KLHL2: variants seen among roughly 807,000 people sequenced by gnomAD.
KLHL2 encodes kelch like family member 2.
A neutral mutation model predicts 75.8 loss-of-function variants in KLHL2; 15 were observed. That is an observed-to-expected ratio of 0.20 (90% CI 0.13 to 0.30). KLHL2 has a LOEUF of 0.30. Among genes scored for constraint, KLHL2 ranks in the 10% least tolerant of loss-of-function variants. KLHL2 has a pLI of 1.00. For synonymous variants in KLHL2, 214 were observed against 251.9 expected (o/e 0.85, Z 1.42); for missense variants, 381 against 741.0 (o/e 0.51, Z 5.64).
chr4:165,298,948 C>T (rs1167467627), intron 7 of KLHL2, among the ~76,000 whole-genome samples: 3 of 136,522 alleles, frequency 2.2e-5, no homozygotes, highest in East Asian at 2.5e-4. Context: ...CGCCCCCCCT[C>T]CCCCCCCAGA....
At chr4:165,290,375 C>G (rs189992241) in intron 5 of KLHL2, among the ~76,000 whole-genome samples, 1 of 151,972 alleles carries the variant, frequency 6.6e-6, no homozygotes, top group Non-Finnish European at 1.5e-5. Context: ...ACTCAAGTGA[C>G]CCACCCTCCT....
intron 1 of KLHL2, among the ~76,000 whole-genome samples, chr4:165,216,973 G>A (rs1000423691): frequency 2.6e-5 from 4 of 152,142 alleles, no homozygotes; most frequent in Non-Finnish European, 5.9e-5. Context: ...TTGTTGTATG[G>A]CAACTGTCTT....
chr4:165,312,406 G>A (rs988351779), intron 11 of KLHL2, among the ~76,000 whole-genome samples: 2 of 146,102 alleles, frequency 1.4e-5, no homozygotes, highest in Admixed American at 1.4e-4. Context: ...GTTAAGGAAG[G>A]CTCTAAGTAT....
chr4:165,219,776 A>G (rs1170552977), intron 1 of KLHL2, 158 bp from the exon 2 acceptor site: 1 of 1,340,934 alleles, frequency 7.5e-7, no homozygotes, highest in Non-Finnish European at 9.7e-7. Flanking sequence ...ACTGTTCTTA[A>G]TTGTCTTAAC....
At chr4:165,292,341 AT>A (rs112716763) in intron 5 of KLHL2, among the ~76,000 whole-genome samples, 37,425 of 150,256 alleles carry the variant, frequency 0.25, 5,244 homozygotes, top group Middle Eastern at 0.34. Context: ...GAACTTTTTT[AT>A]TTTTTTTTGA....
At chr4:165,268,217 G>A (rs1216032532) in intron 5 of KLHL2, among the ~76,000 whole-genome samples, 1 of 151,770 alleles carries the variant, frequency 6.6e-6, no homozygotes, top group Non-Finnish European at 1.5e-5. Context: ...TTCTTTATTA[G>A]TCTTGCTAGC....
chr4:165,311,436 A>G, intron 10 of KLHL2, 28 bp from the exon 11 acceptor site: 2 of 1,491,468 alleles, frequency 1.3e-6, no homozygotes, highest in Non-Finnish European at 1.9e-6. Context: ...TTAGAGAAGG[A>G]AATGAAGACT....
intron 3 of KLHL2, among the ~76,000 whole-genome samples, chr4:165,233,666 G>T (rs1325063803): frequency 6.6e-6 from 1 of 152,162 alleles, no homozygotes; most frequent in Admixed American, 6.5e-5. Context: ...AGGCTTTGGG[G>T]ACTAGAGTGA....
intron 1 of KLHL2, among the ~76,000 whole-genome samples, chr4:165,216,538 T>G (rs564006594): frequency 4.6e-5 from 7 of 152,292 alleles, no homozygotes; most frequent in African/African-American, 1.7e-4. Flanking sequence ...GCACTTTGCT[T>G]CAGAAGAGAA....
intron 4 of KLHL2, among the ~76,000 whole-genome samples, chr4:165,244,976 G>A (rs1473685105): frequency 6.6e-6 from 1 of 152,146 alleles, no homozygotes; most frequent in African/African-American, 2.4e-5. Flanking sequence ...GGGATGCCAA[G>A]GGAGGCGGAT....
intron 5 of KLHL2, among the ~76,000 whole-genome samples, chr4:165,276,130 A>G (rs1743074950): frequency 6.6e-6 from 1 of 152,164 alleles, no homozygotes; most frequent in East Asian, 1.9e-4. Flanking sequence ...CATCTCAACA[A>G]TAACAACAAC....
chr4:165,231,829 T>C (rs1039191098), intron 3 of KLHL2, among the ~76,000 whole-genome samples: 3 of 152,190 alleles, frequency 2.0e-5, no homozygotes, highest in African/African-American at 7.2e-5. Context: ...AAAATTCTGC[T>C]AAGCTGTTTT....
In KLHL2 at chr4:165,263,329, G is replaced by C; in HGVS notation, c.514G>C (p.Asp172His). 1 of 1,613,940 alleles carries C rather than the reference G, an allele frequency of 6.2e-7. No individual in the cohort carries two copies. The highest frequency in any genetic ancestry group is 8.5e-7 in the Non-Finnish European group (1 of 1,179,928). Residue 172 changes from aspartate to histidine, a missense_variant, in exon 5 of 15, where the codon GAC becomes CAC. Coordinates refer to ENST00000226725, the MANE Select transcript of KLHL2 (RefSeq NM_007246.4). ...RAFADMHACT[D>H]LLNKANTYAE... ...TTTTGCTGATATGCATGCATGTACC[G>C]ACCTTCTGAACAAGGCCAACACCTA...
intron 4 of KLHL2, among the ~76,000 whole-genome samples, chr4:165,246,302 A>G (rs1448690500): frequency 6.6e-6 from 1 of 152,112 alleles, no homozygotes; most frequent in Non-Finnish European, 1.5e-5. Context: ...TAGATTAGAA[A>G]GGTAAATAGG....
chr4:165,283,787 G>T (rs566028706), intron 5 of KLHL2, among the ~76,000 whole-genome samples: 1 of 152,360 alleles, frequency 6.6e-6, no homozygotes, highest in South Asian at 2.1e-4. Context: ...CCCTAGCAGA[G>T]GTTCCCCATG....
chr4:165,243,915 A>G (rs1740018126), intron 4 of KLHL2, among the ~76,000 whole-genome samples: 1 of 152,258 alleles, frequency 6.6e-6, no homozygotes, highest in African/African-American at 2.4e-5. Context: ...TGTACCCTAA[A>G]TATTTTAACC....
intron 5 of KLHL2, among the ~76,000 whole-genome samples, chr4:165,280,219 G>A (rs1743558985): frequency 6.6e-6 from 1 of 152,130 alleles, no homozygotes; most frequent in African/African-American, 2.4e-5. Context: ...CACTGTTGTG[G>A]GTGATAGATA....
At chr4:165,286,543 C>A (rs867586311) in intron 5 of KLHL2, among the ~76,000 whole-genome samples, 2,606 of 151,970 alleles carry the variant, frequency 0.017, 70 homozygotes, top group African/African-American at 0.058. Context: ...AAGGTAGAAA[C>A]ATATATAGAA....
At chr4:165,256,694 C>G (rs1741202593) in intron 4 of KLHL2, among the ~76,000 whole-genome samples, 1 of 152,112 alleles carries the variant, frequency 6.6e-6, no homozygotes, top group East Asian at 1.9e-4. Context: ...AATATTTGAC[C>G]ATTTAAATGG....
Sources: gnomAD v4.1 joint callset for allele counts (sites outside exome capture counted in the v4.1 genomes callset) on GRCh38, gnomAD v4.1.1 for gene constraint, MANE v1.5 for transcripts, NCBI Gene and HGNC (gene_info 2026-07-23, HGNC 2026-07-21) for gene names.